The following CTNNBL1 variants were observed in gnomAD, a reference collection of about 807,000 sequenced individuals.
CTNNBL1 encodes catenin beta like 1, also known as beta-catenin-like protein 1.
A neutral mutation model predicts 72.7 loss-of-function variants in CTNNBL1; 31 were observed. That is an observed-to-expected ratio of 0.43 (90% CI 0.32 to 0.58). The LOEUF is 0.58. Ranked by LOEUF, CTNNBL1 falls within the 20% of genes least tolerant of loss-of-function variation. The probability of loss-of-function intolerance (pLI) is 0.08; values close to 1 mark genes in which losing one functional copy is unlikely to be tolerated. For missense variants in CTNNBL1, 534 were observed against 725.1 expected (o/e 0.74, Z 3.03); for synonymous variants, 240 against 267.3 (o/e 0.90, Z 1.00).
intron 13 of CTNNBL1, among the ~76,000 whole-genome samples, chr20:37,858,720 TTTTTTG>T (rs941630225): frequency 2.6e-5 from 4 of 152,160 alleles, no homozygotes; most frequent in East Asian, 3.9e-4. Context: ...TAAAGCTGGG[TTTTTTG>T]TTTTTGTTTT....
intron 1 of CTNNBL1, among the ~76,000 whole-genome samples, chr20:37,731,513 G>A (rs1277998024): frequency 6.6e-6 from 1 of 152,184 alleles, no homozygotes; most frequent in Non-Finnish European, 1.5e-5. Context: ...GGGATTACAG[G>A]TGTGAGCCAC....
chr20:37,743,366 G>C (rs1447070609), intron 3 of CTNNBL1, among the ~76,000 whole-genome samples: 3 of 151,860 alleles, frequency 2.0e-5, no homozygotes, highest in African/African-American at 7.3e-5. Context: ...CAGCCTTACT[G>C]AGTCATGATT....
intron 10 of CTNNBL1, among the ~76,000 whole-genome samples, chr20:37,800,841 C>T (rs968581348): frequency 6.6e-6 from 1 of 152,170 alleles, no homozygotes; most frequent in East Asian, 1.9e-4. Context: ...ACACACCAGT[C>T]GCCTGTCTAC....
In CTNNBL1 at chr20:37,852,598, A is replaced by G. The variant is rs1421122861; in HGVS notation, c.1393-7301A>G. 5.3e-5 allele frequency among the ~76,000 whole-genome samples: 8 copies of G among 152,200 alleles called. No individual in the cohort carries two copies. In the East Asian group the frequency reaches 1.5e-3, roughly 29 times the overall value. On this transcript the variant is annotated intron_variant, in intron 13 of 15. Coordinates refer to ENST00000361383, the MANE Select transcript of CTNNBL1 (RefSeq NM_030877.5). ...AGAAATCCGTTACAGCTGGCTAGACATGCCACAGATTATCAAAGCCAAAAG... is the reference window on the plus strand; with the variant it reads ...AGAAATCCGTTACAGCTGGCTAGACGTGCCACAGATTATCAAAGCCAAAAG...
intron 11 of CTNNBL1, among the ~76,000 whole-genome samples, chr20:37,834,003 T>G (rs1035983656): frequency 3.3e-5 from 5 of 152,184 alleles, no homozygotes; most frequent in African/African-American, 1.2e-4. Context: ...GGCATAGGCA[T>G]CAATTGGCAA....
At chr20:37,812,179 CCTTT>C (rs1442285026) in intron 11 of CTNNBL1, among the ~76,000 whole-genome samples, 4 of 152,198 alleles carry the variant, frequency 2.6e-5, no homozygotes, top group Non-Finnish European at 5.9e-5. Flanking sequence ...CCTGATAAAA[CCTTT>C]CTTAGAATGT....
At chr20:37,747,226 T>G (rs2073274201) in intron 4 of CTNNBL1, among the ~76,000 whole-genome samples, 1 of 151,820 alleles carries the variant, frequency 6.6e-6, no homozygotes, top group Non-Finnish European at 1.5e-5. Flanking sequence ...AATATAAAAA[T>G]TAACTGGACG....
intron 11 of CTNNBL1, among the ~76,000 whole-genome samples, chr20:37,815,802 G>A (rs1327203746): frequency 6.6e-6 from 1 of 152,124 alleles, no homozygotes; most frequent in Non-Finnish European, 1.5e-5. Context: ...AGACATGTTG[G>A]CATCTAACAG....
intron 10 of CTNNBL1, among the ~76,000 whole-genome samples, chr20:37,797,211 A>G (rs1024476627): frequency 5.9e-5 from 9 of 152,070 alleles, no homozygotes; most frequent in African/African-American, 2.2e-4. Context: ...CTGTAAAGTG[A>G]TCTTGTATTT....
chr20:37,851,592 G>C (rs994302727), intron 13 of CTNNBL1, among the ~76,000 whole-genome samples: 2 of 152,084 alleles, frequency 1.3e-5, no homozygotes, highest in African/African-American at 4.8e-5. Flanking sequence ...ACACAGCCTT[G>C]GAAACAAATT....
chr20:37,778,287 A>T (rs2073593641), intron 9 of CTNNBL1, among the ~76,000 whole-genome samples: 1 of 152,182 alleles, frequency 6.6e-6, no homozygotes, highest in African/African-American at 2.4e-5. Flanking sequence ...ATTTCCTCTT[A>T]CAAGTTTTAG....
At chr20:37,715,288 A>G (rs926349683) in intron 1 of CTNNBL1, among the ~76,000 whole-genome samples, 4 of 152,222 alleles carry the variant, frequency 2.6e-5, no homozygotes, top group African/African-American at 9.6e-5. Flanking sequence ...TTGGCAGTTC[A>G]CTAAGCAAGC....
At chr20:37,747,887 G>T (rs1181579889) in intron 4 of CTNNBL1, among the ~76,000 whole-genome samples, 2 of 152,148 alleles carry the variant, frequency 1.3e-5, no homozygotes, top group Non-Finnish European at 2.9e-5. Flanking sequence ...TAAGTGCTGA[G>T]CACAGTTCTT....
intron 13 of CTNNBL1, among the ~76,000 whole-genome samples, chr20:37,847,509 T>TTTCA (rs1192257101): frequency 6.6e-6 from 1 of 152,130 alleles, no homozygotes; most frequent in African/African-American, 2.4e-5. Context: ...TCTCAGCAGA[T>TTTCA]TTCACCTGAC....
intron 5 of CTNNBL1, among the ~76,000 whole-genome samples, chr20:37,758,202 A>C (rs1440788309): frequency 6.6e-6 from 1 of 152,242 alleles, no homozygotes; most frequent in Non-Finnish European, 1.5e-5. Context: ...GAGGAATTGG[A>C]GAATGTCGAA....
chr20:37,758,122 CT>C (rs1250057678), intron 5 of CTNNBL1, among the ~76,000 whole-genome samples: 1 of 152,194 alleles, frequency 6.6e-6, no homozygotes, highest in Non-Finnish European at 1.5e-5. Flanking sequence ...CTCATCTGGA[CT>C]TTCTAATCCC....
chr20:37,808,474 C>T (rs779857020), intron 11 of CTNNBL1, among the ~76,000 whole-genome samples: 2 of 152,172 alleles, frequency 1.3e-5, no homozygotes, highest in Non-Finnish European at 2.9e-5. Flanking sequence ...TACTGGGGCT[C>T]CTGCTATGTT....
intron 7 of CTNNBL1, among the ~76,000 whole-genome samples, chr20:37,768,498 A>G (rs913175865): frequency 6.6e-6 from 1 of 152,232 alleles, no homozygotes; most frequent in Non-Finnish European, 1.5e-5. Flanking sequence ...ATGCTGATGT[A>G]CCAAAATTAA....
At chr20:37,856,741 A>G (rs762410411) in intron 13 of CTNNBL1, among the ~76,000 whole-genome samples, 1 of 152,060 alleles carries the variant, frequency 6.6e-6, no homozygotes, top group Non-Finnish European at 1.5e-5. Flanking sequence ...CCCAACCCCA[A>G]TCAGCACCTA....
Sources: allele counts gnomAD v4.1 joint callset (sites outside exome capture counted in the v4.1 genomes callset), GRCh38; gene constraint gnomAD v4.1.1; transcripts MANE v1.5; gene names NCBI Gene and HGNC (gene_info 2026-07-23, HGNC 2026-07-21).